RSRC1: variants seen among roughly 807,000 people sequenced by gnomAD.
RSRC1 encodes the protein serine/Arginine-related protein 53.
In RSRC1, 39 loss-of-function variants were observed where a neutral mutation model predicts 49.1. That is an observed-to-expected ratio of 0.79 (90% confidence interval 0.61 to 1.04). The LOEUF (loss-of-function observed/expected upper bound fraction) is 1.04. Among genes scored for constraint, RSRC1 ranks in the 50% least tolerant of loss-of-function variants. The probability of loss-of-function intolerance (pLI) is 0.00; values close to 1 mark genes in which losing one functional copy is unlikely to be tolerated. For missense variants in RSRC1, 388 were observed against 402.4 expected (o/e 0.96, Z 0.31); for synonymous variants, 143 against 130.8 (o/e 1.09, Z -0.63).
chr3:158,392,331 T>C (rs1733356421), intron 6 of RSRC1, among the ~76,000 whole-genome samples: 1 of 152,150 alleles, frequency 6.6e-6, no homozygotes, highest in Admixed American at 6.6e-5. Context: ...CTTTGTGTTT[T>C]AACATGAGTC....
At chr3:158,447,036 G>A (rs1160383936) in intron 6 of RSRC1, among the ~76,000 whole-genome samples, 1 of 152,026 alleles carries the variant, frequency 6.6e-6, no homozygotes, top group African/African-American at 2.4e-5. Context: ...ATCCCAACTA[G>A]TAGGGCCATG....
chr3:158,166,510 G>A (rs1306883296), intron 3 of RSRC1, among the ~76,000 whole-genome samples: 2 of 152,160 alleles, frequency 1.3e-5, no homozygotes, highest in African/African-American at 2.4e-5. Flanking sequence ...TATGAAAAAT[G>A]TGGTTCTAAT....
intron 3 of RSRC1, among the ~76,000 whole-genome samples, chr3:158,158,020 C>T (rs971087932): frequency 1.3e-5 from 2 of 151,448 alleles, no homozygotes; most frequent in African/African-American, 2.4e-5. Context: ...AAAAGCTTAT[C>T]TTCTGACAGG....
rs74440684 is a variant in RSRC1, at chr3:158,541,243, A to G, written c.760-2092A>G. On this transcript the variant is annotated intron_variant, in intron 8 of 9. Coordinates refer to ENST00000611884, the MANE Select transcript of RSRC1 (RefSeq NM_001271838.2). ...GGCTCCTTCTAAGTCTTCAGGGCTT[A>G]AATTTCACCTCCTAGAGAAGCCATC... Among the ~76,000 whole-genome samples, 38 of 152,264 alleles carry G rather than the reference A, an allele frequency of 2.5e-4. No individual in the cohort carries two copies. In the East Asian group the frequency reaches 4.3e-3, roughly 17 times the overall value.
chr3:158,479,110 A>T (rs1156937637), intron 7 of RSRC1, among the ~76,000 whole-genome samples: 1 of 151,216 alleles, frequency 6.6e-6, no homozygotes, highest in African/African-American at 2.4e-5. Context: ...TAATGAGAGC[A>T]TACCAAATAA....
At chr3:158,248,047 G>T (rs1432522447) in intron 4 of RSRC1, among the ~76,000 whole-genome samples, 1 of 152,042 alleles carries the variant, frequency 6.6e-6, no homozygotes, top group Non-Finnish European at 1.5e-5. Context: ...ATATCCACTG[G>T]CCCCTTTCAT....
At chr3:158,131,875 T>C (rs1716046831) in intron 3 of RSRC1, among the ~76,000 whole-genome samples, 1 of 151,376 alleles carries the variant, frequency 6.6e-6, no homozygotes, top group Non-Finnish European at 1.5e-5. Flanking sequence ...GAAAAAGTAA[T>C]ATAATTTTAG....
At chr3:158,132,421 A>C (rs13061378) in intron 3 of RSRC1, among the ~76,000 whole-genome samples, 102,490 of 152,084 alleles carry the variant, frequency 0.67, 34,787 homozygotes, top group East Asian at 0.83. Context: ...TATCTGAGGA[A>C]CAAAGGACAG....
chr3:158,206,668 C>T (rs536581350), intron 4 of RSRC1, among the ~76,000 whole-genome samples: 210 of 152,248 alleles, frequency 1.4e-3, no homozygotes, highest in African/African-American at 4.7e-3. Flanking sequence ...AATCTCAGCA[C>T]TTTGGGAGGC....
chr3:158,177,294 A>G (rs1053846795), intron 3 of RSRC1, among the ~76,000 whole-genome samples: 16 of 152,242 alleles, frequency 1.1e-4, no homozygotes, highest in African/African-American at 3.6e-4. Context: ...ATTTCTGCAT[A>G]TATACCCAAA....
intron 5 of RSRC1, among the ~76,000 whole-genome samples, chr3:158,312,316 A>T (rs1214719771): frequency 6.6e-6 from 1 of 152,104 alleles, no homozygotes; most frequent in African/African-American, 2.4e-5. Context: ...GTTATCAGCC[A>T]AGCAGAGCAT....
chr3:158,240,968 A>G, intron 4 of RSRC1, among the ~76,000 whole-genome samples: 1 of 152,176 alleles, frequency 6.6e-6, no homozygotes, highest in Admixed American at 6.5e-5. Context: ...TATTATTATA[A>G]TTGTTCTATT....
At chr3:158,309,983 A>G (rs1400738278) in intron 5 of RSRC1, among the ~76,000 whole-genome samples, 1 of 151,728 alleles carries the variant, frequency 6.6e-6, no homozygotes, top group South Asian at 2.1e-4. Context: ...GAGAAAGTGT[A>G]TTAAACCATA....
chr3:158,298,771 T>C (rs557001314), intron 5 of RSRC1, among the ~76,000 whole-genome samples: 1 of 152,316 alleles, frequency 6.6e-6, no homozygotes, highest in South Asian at 2.1e-4. Flanking sequence ...CATCCTCTGG[T>C]TTCTGGTCAG....
chr3:158,414,506 C>A (rs1393126770), intron 6 of RSRC1, among the ~76,000 whole-genome samples: 1 of 152,076 alleles, frequency 6.6e-6, no homozygotes, highest in African/African-American at 2.4e-5. Context: ...CACATGTTTA[C>A]CTGTGTAACA....
At chr3:158,455,872 C>G (rs188044582) in intron 6 of RSRC1, among the ~76,000 whole-genome samples, 1 of 150,284 alleles carries the variant, frequency 6.7e-6, no homozygotes, top group Non-Finnish European at 1.5e-5. Context: ...CCCAGCTACT[C>G]GAGAGGCTGA....
intron 6 of RSRC1, among the ~76,000 whole-genome samples, chr3:158,458,162 G>T (rs941768578): frequency 6.6e-6 from 1 of 152,064 alleles, no homozygotes; most frequent in African/African-American, 2.4e-5. Context: ...AGACAGCATA[G>T]TAAGTTGTAG....
At chr3:158,290,189 G>A (rs77768408) in intron 4 of RSRC1, among the ~76,000 whole-genome samples, 11,648 of 152,098 alleles carry the variant, frequency 0.077, 535 homozygotes, top group South Asian at 0.13. Flanking sequence ...TTGAATGTAA[G>A]GCGAGAAAAA....
chr3:158,435,107 T>C (rs968957336), intron 6 of RSRC1, among the ~76,000 whole-genome samples: 7 of 151,926 alleles, frequency 4.6e-5, no homozygotes, highest in African/African-American at 1.7e-4. Flanking sequence ...ATAGTAATGT[T>C]GTGTAATGCT....
Sources: gnomAD v4.1 joint callset for allele counts (sites outside exome capture counted in the v4.1 genomes callset) on GRCh38, gnomAD v4.1.1 for gene constraint, MANE v1.5 for transcripts, NCBI Gene and HGNC (gene_info 2026-07-23, HGNC 2026-07-21) for gene names.